MYH4: variants seen among roughly 807,000 people sequenced by gnomAD.
The protein encoded by MYH4 is myosin-4.
Under a neutral mutation model 229.9 loss-of-function variants are expected in MYH4, and 200 were observed. The observed-to-expected ratio is 0.87, with a 90% CI of 0.78 to 0.98. MYH4 has a LOEUF of 0.98. MYH4 is among the 50% of genes least tolerant of loss of function. The probability of loss-of-function intolerance (pLI) is 0.00; values close to 1 mark genes in which losing one functional copy is unlikely to be tolerated. For synonymous variants in MYH4, 761 were observed against 834.6 expected, an observed-to-expected ratio of 0.91 and a Z score of 1.52; for missense variants, 2,148 against 2,332.6, an observed-to-expected ratio of 0.92 and a Z score of 1.63.
chr17:10,453,535 A>T, intron 23 of MYH4, 108 bp downstream of exon 23: 3 of 1,579,412 alleles, frequency 1.9e-6, no homozygotes, highest in Non-Finnish European at 2.6e-6. Context: ...TGAAATAGTT[A>T]TGACAGTGGT....
intron 29 of MYH4, 26 bp downstream of exon 29, chr17:10,450,751 G>C: frequency 6.2e-7 from 1 of 1,610,016 alleles, no homozygotes; most frequent in Non-Finnish European, 8.5e-7. Context: ...TCAAGTGATT[G>C]AAAGTATCAG....
chr17:10,460,465 T>C, intron 12 of MYH4, 144 bp from the exon 13 acceptor site: 1 of 679,060 alleles, frequency 1.5e-6, no homozygotes, highest in Non-Finnish European at 2.4e-6. Context: ...TCATATTGCC[T>C]CAAAAGCATT....
intron 12 of MYH4, 61 bp downstream of exon 12, chr17:10,460,855 G>A: frequency 6.3e-7 from 1 of 1,585,198 alleles, no homozygotes; most frequent in South Asian, 1.1e-5. Context: ...CACGGTCCCT[G>A]CCTCTGAAAA....
At chr17:10,450,745 G>A in intron 29 of MYH4, 32 bp downstream of exon 29, 1 of 1,609,536 alleles carries the variant, frequency 6.2e-7, no homozygotes, top group Non-Finnish European at 8.5e-7. Context: ...CACGGTTCAA[G>A]TGATTGAAAG....
chr17:10,446,593 A>G (rs1167600726), intron 35 of MYH4, among the ~76,000 whole-genome samples: 1 of 152,208 alleles, frequency 6.6e-6, no homozygotes, highest in African/African-American at 2.4e-5. Flanking sequence ...AATTTGAACT[A>G]AAGAGCTTCT....
At chr17:10,458,561 G>T (rs764135) in intron 15 of MYH4, among the ~76,000 whole-genome samples, 62,453 of 151,874 alleles carry the variant, frequency 0.41, 13,749 homozygotes, top group East Asian at 0.86. Flanking sequence ...TTGCATTTAC[G>T]CTTCCTTTCC....
intron 7 of MYH4, among the ~76,000 whole-genome samples, 158 bp from the exon 8 acceptor site, chr17:10,463,801 G>A (rs1213756762): frequency 2.0e-5 from 3 of 152,198 alleles, no homozygotes; most frequent in Admixed American, 1.3e-4. Context: ...GAAGGGGAGT[G>A]GGACACTCCA....
At chr17:10,446,874 A>T (rs2072517133) in intron 35 of MYH4, 139 bp downstream of exon 35, 3 of 796,432 alleles carry the variant, frequency 3.8e-6, no homozygotes, top group South Asian at 3.8e-5. Flanking sequence ...GTCCCAGTAA[A>T]TCCTTACAGC....
chr17:10,450,673 A>G (rs1188095073), intron 29 of MYH4, 24 bp from the exon 30 acceptor site: 1 of 1,612,994 alleles, frequency 6.2e-7, no homozygotes, highest in Admixed American at 1.7e-5. Flanking sequence ...AAACTATGTG[A>G]TATAAGTTTA....
intron 2 of MYH4, among the ~76,000 whole-genome samples, chr17:10,468,827 C>A (rs1490892284): frequency 6.6e-6 from 1 of 152,164 alleles, no homozygotes; most frequent in African/African-American, 2.4e-5. Flanking sequence ...GGACATGAGT[C>A]CTGTTCCGCT....
intron 16 of MYH4, 24 bp from the exon 17 acceptor site, chr17:10,456,579 A>G (rs1555562562): frequency 1.2e-6 from 2 of 1,604,070 alleles, no homozygotes; most frequent in East Asian, 2.2e-5. Context: ...TGGGAAAAAT[A>G]AAGTTATTTG....
At position 10,453,143 on chromosome 17, in the gene MYH4, C is replaced by A. The variant is rs1245195328; in HGVS notation, c.3111+9G>T. On this transcript the variant is annotated intron_variant, in intron 24 of 39. Transcript: ENST00000255381. The stretch of plus-strand genomic sequence containing the variant: ...TTGCAAGGGGAAACATTTTCTTTTT[C>A]ACACTTACATCGTCCACTTGCTGTT... 55 of 1,613,892 alleles carry A rather than the reference C, an allele frequency of 3.4e-5. 1 individual carries two copies. The highest frequency in any genetic ancestry group is 6.8e-6 in the Non-Finnish European group (8 of 1,179,936).
At position 10,448,784 on chromosome 17, in the gene MYH4, C is replaced by G; in HGVS notation, c.4366-1G>C. The G allele has an allele frequency of 1.2e-6, 2 of 1,613,740 alleles. No individual in the cohort carries two copies. Among genetic ancestry groups the G allele is most frequent in the Middle Eastern group, 1.7e-4 (1 of 6,058 alleles). On this transcript the variant is annotated splice_acceptor_variant, in intron 31 of 39. Transcript: ENST00000255381. LOFTEE classifies it high-confidence loss of function. ...ACTTCTGTTTCCATTCTGCCAGAAC[C>G]TGGAAGTATATAGAAAATAAGCCTT...
intron 21 of MYH4, 39 bp from the exon 22 acceptor site, chr17:10,454,849 G>A (rs780417168): frequency 1.2e-6 from 2 of 1,610,580 alleles, no homozygotes; most frequent in Non-Finnish European, 1.7e-6. Context: ...GGAGAATAAT[G>A]TGGAAAGTGA....
At chr17:10,469,195 A>G (rs1449374305) in intron 2 of MYH4, 93 bp downstream of exon 2, 3 of 152,220 alleles carry the variant, frequency 2.0e-5, no homozygotes, top group African/African-American at 4.8e-5. Context: ...CCTATTCCCA[A>G]TACTAAACTA....
At position 10,454,605 on chromosome 17, in the gene MYH4, TC is replaced by T. The variant is rs1489595170; in HGVS notation, c.2640del (p.Met881TrpfsTer2). On this transcript the variant is annotated frameshift_variant, in exon 22 of 40. Transcript: ENST00000255381. LOFTEE classifies it high-confidence loss of function. ...TEAKRKELEE[K>X]MVTLMQEKND... Reference sequence around the variant, plus strand: ...TTTTTCTCTTGCATTAGCGTCACCATCTTTTCTTCTAGTTCTTTCCTTTTTG... The same window carrying T: ...TTTTTCTCTTGCATTAGCGTCACCATTTTTCTTCTAGTTCTTTCCTTTTTG... 2.5e-6 allele frequency: 4 copies of T among 1,614,050 alleles called. No homozygotes were observed. In the Admixed American group the frequency reaches 6.7e-5, roughly 27 times the overall value.
In MYH4 at chr17:10,447,911, TC is replaced by T; in HGVS notation, c.4871del (p.Gly1624GlufsTer10). ...DALRIKKKME[G>X]DLNEMEIQLN... is the part of the protein sequence containing the mutation. ...GCTGGATTTCCATTTCATTAAGATCTCCCTCCATCTTCTTCTTGATCCTCAG... is the reference window on the plus strand; with the variant it reads ...GCTGGATTTCCATTTCATTAAGATCTCCTCCATCTTCTTCTTGATCCTCAG... On this transcript the variant is annotated frameshift_variant, in exon 34 of 40. Transcript: ENST00000255381. LOFTEE classifies it high-confidence loss of function. 6.2e-7 allele frequency: 1 copy of T among 1,614,030 alleles called. No homozygotes were observed. The highest frequency in any genetic ancestry group is 8.5e-7 in the Non-Finnish European group (1 of 1,179,992).
chr17:10,463,298 A>G, intron 9 of MYH4, 40 bp downstream of exon 9: 4 of 1,567,452 alleles, frequency 2.6e-6, no homozygotes, highest in Non-Finnish European at 3.5e-6. Flanking sequence ...ATGTACCCAC[A>G]AAGAAAAAGA....
In MYH4 at chr17:10,459,390, A is replaced by C. The variant is rs1054623838; in HGVS notation, c.1448T>G (p.Phe483Cys). The change falls in exon 15 of 40, where the codon TTC becomes TGC. Residue 483 changes from phenylalanine (F) to cysteine (C), a missense_variant. Transcript: ENST00000255381. ...FNSLEQLCIN[F>C]TNEKLQQFFN... ...AAACTGTTGCAGTTTCTCGTTGGTG[A>C]AGTTGATGCACAGCTGCTCCAGGCT... 14 of 1,614,082 alleles carry C rather than the reference A, an allele frequency of 8.7e-6. No homozygotes were observed. Among genetic ancestry groups the C allele is most frequent in the African/African-American group, 2.7e-5 (2 of 74,926 alleles).
Sources: allele counts gnomAD v4.1 joint callset (sites outside exome capture counted in the v4.1 genomes callset), GRCh38; gene constraint gnomAD v4.1.1; transcripts MANE v1.5; gene names NCBI Gene and HGNC (gene_info 2026-07-23, HGNC 2026-07-21).